Variants in DIPK2B observed in about 807,000 individuals in gnomAD.
DIPK2B encodes the protein divergent protein kinase domain 2B, also known as UPF0672 protein CXorf36.
A neutral mutation model predicts 22.2 loss-of-function variants in DIPK2B; 15 were observed. The ratio of observed to expected loss-of-function variants is 0.68; its 90% CI spans 0.45 to 1.04. The LOEUF (loss-of-function observed/expected upper bound fraction) is 1.04, where lower values mean the gene tolerates loss of function less well. DIPK2B is among the 50% of genes least tolerant of loss of function. The pLI is 0.00. For synonymous variants in DIPK2B, 163 were observed against 153.2 expected, an observed-to-expected ratio of 1.06 and a Z score of -0.47; for missense variants, 345 against 348.3, an observed-to-expected ratio of 0.99 and a Z score of 0.08.
At chrX:45,185,198 C>T (rs926186063) in intron 2 of DIPK2B, among the ~76,000 whole-genome samples, 3 of 111,715 alleles carry the variant, frequency 2.7e-5, no homozygotes, top group African/African-American at 6.5e-5. Flanking sequence ...ATAGTTTAAC[C>T]TTTGATTCCT....
At chrX:45,163,263 A>G (rs979819065) in intron 2 of DIPK2B, 2 of 339,842 alleles carry the variant, frequency 5.9e-6, no homozygotes, top group African/African-American at 5.7e-5. Flanking sequence ...CAGGCCTACC[A>G]TATGGATTTT....
chrX:45,197,235 G>A (rs1295253299), intron 1 of DIPK2B, among the ~76,000 whole-genome samples: 1 of 107,479 alleles, frequency 9.3e-6, no homozygotes, highest in African/African-American at 3.4e-5. Context: ...AGGTGTCATG[G>A]TAATCACTTT....
At chrX:45,157,084 C>G (rs2046999508) in intron 3 of DIPK2B, among the ~76,000 whole-genome samples, 1 of 110,496 alleles carries the variant, frequency 9.1e-6, no homozygotes, top group Non-Finnish European at 1.9e-5. Context: ...TATGTGACCC[C>G]TGTGTCCTTA....
chrX:45,169,433 C>T (rs765450138), intron 2 of DIPK2B, among the ~76,000 whole-genome samples: 4 of 112,016 alleles, frequency 3.6e-5, no homozygotes, highest in South Asian at 3.8e-4. Flanking sequence ...TTTGGTCCCC[C>T]GTATCAGTTT....
chrX:45,152,982 A>C (rs2046969461), intron 4 of DIPK2B, among the ~76,000 whole-genome samples: 2 of 112,090 alleles, frequency 1.8e-5, no homozygotes, highest in East Asian at 5.6e-4. Context: ...TTAGGAGAAA[A>C]AACAAGTAAT....
chrX:45,164,126 C>T, intron 2 of DIPK2B: 1 of 1,137,957 alleles, frequency 8.8e-7, no homozygotes, highest in South Asian at 2.2e-5. Flanking sequence ...GTTGGTATAA[C>T]ACAGTTGGGA....
intron 1 of DIPK2B, among the ~76,000 whole-genome samples, chrX:45,199,046 T>C (rs1370880109): frequency 9.0e-6 from 1 of 111,595 alleles, no homozygotes; most frequent in Non-Finnish European, 1.9e-5. Flanking sequence ...AGCCTAACAC[T>C]CTCAGCATGG....
Position 45,150,584 on chromosome X carries a change from G to C in DIPK2B, c.*1068C>G, listed in dbSNP as rs2046954941. On this transcript the variant is annotated 3_prime_UTR_variant, in exon 5 of 5. Transcript: ENST00000398000. ...TCAAGATCTCCTGCTCTAGGGAGCG[G>C]GGCTGACCAGGGACCCCTGCTGCTG... The C allele has an allele frequency of 9.0e-6, 1 of 110,846 alleles. No individual in the cohort carries two copies. Among genetic ancestry groups the C allele is most frequent in the Non-Finnish European group, 1.9e-5 (1 of 52,997 alleles). 9.1% of individuals were successfully genotyped at this position (110,846 alleles called of 1,213,427 possible).
rs771560796 is a variant in DIPK2B at position 45,154,138 on chromosome X, G to C, written c.733C>G (p.Leu245Val). 12 of 1,210,755 alleles carry C rather than the reference G, an allele frequency of 9.9e-6. No individual in the cohort carries two copies. Among genetic ancestry groups the C allele is most frequent in the Non-Finnish European group, 1.3e-5 (12 of 895,228 alleles). Residue 245 changes from leucine (L) to valine (V), a missense_variant, in exon 4 of 5, where the codon CTC becomes GTC. Transcript: ENST00000398000. The stretch of plus-strand genomic sequence containing the variant: ...AGCGGTCTGGTGCTGGTGCTGACGA[G>C]GAATCTGCCACAGGAGCCCAGGTAC... ...PKYLGSCGRF[L>V]VSTSTRPLQE...
chrX:45,167,897 CTGGT>C (rs1297112889), intron 2 of DIPK2B, among the ~76,000 whole-genome samples: 1 of 112,425 alleles, frequency 8.9e-6, no homozygotes, highest in Non-Finnish European at 1.9e-5. Flanking sequence ...TTTGGCCAGG[CTGGT>C]CTTGAACTCC....
chrX:45,165,848 G>C (rs1365203042), intron 2 of DIPK2B, among the ~76,000 whole-genome samples: 2 of 111,709 alleles, frequency 1.8e-5, no homozygotes, highest in East Asian at 5.7e-4. Flanking sequence ...AAAAGCCTTG[G>C]CCTGGTGAGA....
intron 2 of DIPK2B, among the ~76,000 whole-genome samples, chrX:45,181,418 G>T (rs909560054): frequency 2.3e-4 from 26 of 112,022 alleles, no homozygotes; most frequent in African/African-American, 8.4e-4. Context: ...ATTGAAGAAG[G>T]ATAAATCTGA....
chrX:45,152,357 CA>C lies in DIPK2B; in HGVS notation c.962-366del, dbSNP rs59835037. On this transcript the variant is annotated intron_variant, in intron 4 of 4. Coordinates refer to ENST00000398000, the MANE Select transcript of DIPK2B (RefSeq NM_176819.4). ...TGGGTGACAGAGCGAAAAGCCATCT[CA>C]AAAAAAAAAAATTACTGGGTGAACT... Among the ~76,000 whole-genome samples the C allele has an allele frequency of 4.5e-3, 449 of 100,630 alleles. 3 individuals are homozygous for C. The highest frequency in any genetic ancestry group is 0.015 in the African/African-American group (423 of 27,637). The allele number at this position is 100,630 out of a possible 115,157, so 87.4% of individuals were successfully genotyped here.
intron 2 of DIPK2B, among the ~76,000 whole-genome samples, chrX:45,177,363 C>T (rs1402211820): frequency 9.1e-6 from 1 of 110,357 alleles, no homozygotes; most frequent in East Asian, 2.9e-4. Flanking sequence ...GGTGGGGCCT[C>T]ATGGGAGGTG....
chrX:45,164,165 G>T, intron 2 of DIPK2B: 10 of 1,189,674 alleles, frequency 8.4e-6, no homozygotes, highest in Non-Finnish European at 1.1e-5. Flanking sequence ...GAAGTTCTCA[G>T]TGCTGGGCTC....
chrX:45,152,027 C>A, intron 4 of DIPK2B, 35 bp from the exon 5 acceptor site: 1 of 1,108,000 alleles, frequency 9.0e-7, no homozygotes. Context: ...CACACCCTGC[C>A]ACCAGTGCTC....
In DIPK2B at chrX:45,157,773, CG is replaced by C. The variant is rs757093065; in HGVS notation, c.613del (p.Arg205ValfsTer74). 8.4e-7 allele frequency: 1 copy of C among 1,195,052 alleles called. No individual in the cohort carries two copies. The highest frequency in any genetic ancestry group is 1.1e-6 in the Non-Finnish European group (1 of 887,840). Reference sequence around the variant, plus strand: ...CGTGTAGAGCAGGCGCAGCTTGTCACGGTCGGTGAAGTGGTCCATGAAGATG... The same window carrying C: ...CGTGTAGAGCAGGCGCAGCTTGTCACGTCGGTGAAGTGGTCCATGAAGATG... ...GSIFMDHFTD[R>X]DKLRLLYTLA... On this transcript the variant is annotated frameshift_variant, in exon 3 of 5. Coordinates refer to ENST00000398000, the MANE Select transcript of DIPK2B (RefSeq NM_176819.4). LOFTEE classifies it high-confidence loss of function.
At chrX:45,162,805 T>C (rs2047028759) in intron 2 of DIPK2B, 22 of 754,339 alleles carry the variant, frequency 2.9e-5, no homozygotes, top group Non-Finnish European at 3.3e-5. Flanking sequence ...TCTGGTGCTA[T>C]CCCTTGGGAA....
chrX:45,148,597 CGAGAACTCACTCATCACTTCCAGGAG>C lies in DIPK2B; in HGVS notation c.*3029_*3054del, dbSNP rs1282023655. ...ACAACCACATCTTGAGTGAGCTCAGCGAGAACTCACTCATCACTTCCAGGAGGGCACCAAGTCATTCATGAGGCAAC... is the reference window on the plus strand; with the variant it reads ...ACAACCACATCTTGAGTGAGCTCAGCGGCACCAAGTCATTCATGAGGCAAC... On this transcript the variant is annotated 3_prime_UTR_variant, in exon 5 of 5. Coordinates refer to ENST00000398000, the MANE Select transcript of DIPK2B (RefSeq NM_176819.4). 3 of 109,276 alleles carry C rather than the reference CGAGAACTCACTCATCACTTCCAGGAG, an allele frequency of 2.7e-5. No homozygotes were observed. Among genetic ancestry groups the C allele is most frequent in the Non-Finnish European group, 3.8e-5 (2 of 52,621 alleles). 9.0% of individuals were successfully genotyped at this position (109,276 alleles called of 1,213,427 possible). A position where few individuals can be genotyped will look rare whatever the true frequency, so the allele number is the denominator to read the frequency against.
Sources: allele counts gnomAD v4.1 joint callset (sites outside exome capture counted in the v4.1 genomes callset), GRCh38; gene constraint gnomAD v4.1.1; transcripts MANE v1.5; gene names NCBI Gene and HGNC (gene_info 2026-07-23, HGNC 2026-07-21).